TASP1: variants seen among roughly 807,000 people sequenced by gnomAD.
The protein encoded by TASP1 is taspase 1, also known as threonine aspartase 1.
Under a neutral mutation model 56.6 loss-of-function variants are expected in TASP1, and 16 were observed. That is an observed-to-expected ratio of 0.28 (90% CI 0.19 to 0.43). The LOEUF (loss-of-function observed/expected upper bound fraction) is 0.43. Among genes scored for constraint, TASP1 ranks in the 20% least tolerant of loss-of-function variants. TASP1 has a pLI of 1.00. For missense variants in TASP1, 393 were observed against 511.6 expected, an observed-to-expected ratio of 0.77 and a Z score of 2.24; for synonymous variants, 179 against 184.2, an observed-to-expected ratio of 0.97 and a Z score of 0.23.
intron 1 of TASP1, among the ~76,000 whole-genome samples, chr20:13,632,911 T>G (rs1324464467): frequency 6.6e-6 from 1 of 152,132 alleles, no homozygotes; most frequent in Non-Finnish European, 1.5e-5. Flanking sequence ...AGACAAAAAA[T>G]TCTAAATCTC....
chr20:13,421,800 T>C (rs1169970407), intron 12 of TASP1, among the ~76,000 whole-genome samples: 1 of 152,118 alleles, frequency 6.6e-6, no homozygotes, highest in African/African-American at 2.4e-5. Flanking sequence ...CCGTGGTAAT[T>C]ATGCTCTGTA....
the TASP1 span, among the ~76,000 whole-genome samples, chr20:13,348,925 G>A: frequency 0.047 from 7,214 of 152,186 alleles, 337 homozygotes; most frequent in African/African-American, 0.12. Context: ...CGTGCAAAAC[G>A]CCCATGTCCT....
chr20:13,198,776 TTTTC>T, the TASP1 span, among the ~76,000 whole-genome samples: 16 of 151,964 alleles, frequency 1.1e-4, no homozygotes, highest in African/African-American at 2.2e-4. Flanking sequence ...TTTCTTTTCT[TTTTC>T]TTTCTTTCTT....
At chr20:13,530,749 C>T (rs1340598013) in intron 9 of TASP1, among the ~76,000 whole-genome samples, 1 of 152,134 alleles carries the variant, frequency 6.6e-6, no homozygotes, top group East Asian at 1.9e-4. Context: ...CTAAAATTGT[C>T]TTTCTTCTTA....
At chr20:13,233,614 A>G in the TASP1 span, among the ~76,000 whole-genome samples, 5 of 151,140 alleles carry the variant, frequency 3.3e-5, no homozygotes, top group Admixed American at 2.0e-4. Flanking sequence ...AAAAAAAAAA[A>G]GGAGATCCCA....
At chr20:13,360,930 T>C in the TASP1 span, among the ~76,000 whole-genome samples, 6 of 152,252 alleles carry the variant, frequency 3.9e-5, no homozygotes, top group African/African-American at 1.2e-4. Flanking sequence ...GCTTGATTTA[T>C]TGATGGCGGT....
the TASP1 span, among the ~76,000 whole-genome samples, chr20:13,360,712 G>A: frequency 0.17 from 25,972 of 151,966 alleles, 2,463 homozygotes; most frequent in African/African-American, 0.24. Context: ...CATACCTGAC[G>A]CATATACTTT....
At chr20:13,194,587 A>G in the TASP1 span, among the ~76,000 whole-genome samples, 30 of 98,214 alleles carry the variant, frequency 3.1e-4, no homozygotes, top group African/African-American at 1.2e-3. Flanking sequence ...GTGTGTGTGT[A>G]TGTGTGTTTC....
the TASP1 span, among the ~76,000 whole-genome samples, chr20:13,281,901 C>A: frequency 6.6e-6 from 1 of 152,164 alleles, no homozygotes; most frequent in African/African-American, 2.4e-5. Context: ...AATGCCAATT[C>A]TGGGCTGCAG....
chr20:13,328,895 T>C, the TASP1 span, among the ~76,000 whole-genome samples: 1 of 152,132 alleles, frequency 6.6e-6, no homozygotes, highest in Admixed American at 6.6e-5. Context: ...CAGCAAACCA[T>C]GGCAAACATT....
the TASP1 span, among the ~76,000 whole-genome samples, chr20:13,359,961 G>A: frequency 1.3e-5 from 2 of 151,738 alleles, no homozygotes; most frequent in African/African-American, 4.8e-5. Context: ...ATCCCATCCT[G>A]CAGCACACTT....
intron 11 of TASP1, among the ~76,000 whole-genome samples, chr20:13,455,109 T>TA (rs1006221117): frequency 3.9e-5 from 6 of 152,004 alleles, no homozygotes; most frequent in Non-Finnish European, 7.4e-5. Flanking sequence ...AATGCCTTCT[T>TA]AAAAAAACAG....
At chr20:13,204,382 C>T in the TASP1 span, among the ~76,000 whole-genome samples, 2 of 152,080 alleles carry the variant, frequency 1.3e-5, no homozygotes, top group South Asian at 4.2e-4. Flanking sequence ...GTTGTGTCCA[C>T]CTTTGTAATA....
chr20:13,298,908 C>T, the TASP1 span: 415 of 1,603,416 alleles, frequency 2.6e-4, no homozygotes, highest in Non-Finnish European at 3.2e-4. Context: ...CGGTTGTACA[C>T]GCGGTGAGAG....
intron 8 of TASP1, among the ~76,000 whole-genome samples, chr20:13,542,380 T>C (rs1012449855): frequency 6.6e-6 from 1 of 152,164 alleles, no homozygotes; most frequent in Non-Finnish European, 1.5e-5. Flanking sequence ...CTCAAATTTA[T>C]GTAAAGTAAA....
chr20:13,261,748 TCTTAA>T, the TASP1 span, among the ~76,000 whole-genome samples: 1 of 152,192 alleles, frequency 6.6e-6, no homozygotes, highest in Admixed American at 6.5e-5. Flanking sequence ...CAATGAGGGT[TCTTAA>T]CTTTAGTGTT....
At chr20:13,126,543 T>G in the TASP1 span, 3 of 1,605,270 alleles carry the variant, frequency 1.9e-6, no homozygotes, top group Non-Finnish European at 2.6e-6. Flanking sequence ...CCACCACCAG[T>G]GTTGAGATTT....
intron 8 of TASP1, among the ~76,000 whole-genome samples, chr20:13,546,473 C>T (rs1043094241): frequency 6.6e-6 from 1 of 152,174 alleles, no homozygotes; most frequent in Non-Finnish European, 1.5e-5. Flanking sequence ...CAATCACAAG[C>T]TTCATAAACT....
chr20:13,271,385 G>A, the TASP1 span, among the ~76,000 whole-genome samples: 2 of 152,180 alleles, frequency 1.3e-5, no homozygotes, highest in Non-Finnish European at 2.9e-5. Context: ...GGGAGGTTAG[G>A]GAAAGGGTGA....
Sources: allele counts gnomAD v4.1 joint callset (sites outside exome capture counted in the v4.1 genomes callset), GRCh38; gene constraint gnomAD v4.1.1; transcripts MANE v1.5; gene names NCBI Gene and HGNC (gene_info 2026-07-23, HGNC 2026-07-21).